Variants in RCAN2 observed in about 807,000 individuals in gnomAD.
RCAN2 encodes the protein calcipressin-2.
RCAN2 carries 9 observed loss-of-function variants against 23.6 expected under a neutral mutation model. That is an observed-to-expected ratio of 0.38 (90% confidence interval 0.23 to 0.67). The LOEUF is 0.67. RCAN2 is among the 30% of genes least tolerant of loss of function. The pLI is 0.51. For missense variants in RCAN2, 273 were observed against 302.3 expected, an observed-to-expected ratio of 0.90 and a Z score of 0.72; for synonymous variants, 109 against 115.7, an observed-to-expected ratio of 0.94 and a Z score of 0.37.
chr6:46,440,839 T>C (rs1336534456), intron 2 of RCAN2, among the ~76,000 whole-genome samples: 2 of 152,148 alleles, frequency 1.3e-5, no homozygotes, highest in African/African-American at 4.8e-5. Flanking sequence ...GTGAACCTTA[T>C]ATGGGAAACA....
intron 2 of RCAN2, among the ~76,000 whole-genome samples, chr6:46,309,108 G>A (rs946669142): frequency 6.6e-6 from 1 of 152,166 alleles, no homozygotes; most frequent in Non-Finnish European, 1.5e-5. Flanking sequence ...CTGTTCAGGA[G>A]AAGTTTGCAG....
intron 2 of RCAN2, among the ~76,000 whole-genome samples, chr6:46,313,052 C>A (rs2150357557): frequency 6.6e-6 from 1 of 152,306 alleles, no homozygotes; most frequent in Middle Eastern, 3.4e-3. Flanking sequence ...ATCCAGGACT[C>A]TAATTCTTAG....
chr6:46,409,641 A>G (rs1766495126), intron 2 of RCAN2, among the ~76,000 whole-genome samples: 1 of 152,246 alleles, frequency 6.6e-6, no homozygotes, highest in Non-Finnish European at 1.5e-5. Flanking sequence ...TATGTACATT[A>G]TGAGCAGAGA....
chr6:46,278,838 G>A (rs896355930), intron 2 of RCAN2, among the ~76,000 whole-genome samples: 2 of 152,150 alleles, frequency 1.3e-5, no homozygotes, highest in African/African-American at 4.8e-5. Context: ...AAAATTCCAT[G>A]TACTGGATGC....
intron 2 of RCAN2, among the ~76,000 whole-genome samples, chr6:46,414,683 G>T (rs548671996): frequency 1.3e-5 from 2 of 152,304 alleles, no homozygotes; most frequent in Non-Finnish European, 2.9e-5. Context: ...CCAGCAGGCT[G>T]CCTCTGGACT....
At chr6:46,461,458 A>C (rs1489532573) in intron 1 of RCAN2, among the ~76,000 whole-genome samples, 2 of 152,236 alleles carry the variant, frequency 1.3e-5, no homozygotes, top group African/African-American at 4.8e-5. Flanking sequence ...GGAGAATTTC[A>C]AAACTTCTTT....
At chr6:46,479,148 C>T (rs1337027259) in intron 1 of RCAN2, among the ~76,000 whole-genome samples, 1 of 152,122 alleles carries the variant, frequency 6.6e-6, no homozygotes, top group Non-Finnish European at 1.5e-5. Flanking sequence ...CAGGCCAGAC[C>T]CCTGATGGGT....
intron 2 of RCAN2, among the ~76,000 whole-genome samples, chr6:46,387,916 T>G (rs1349117988): frequency 6.6e-6 from 1 of 152,262 alleles, no homozygotes; most frequent in Non-Finnish European, 1.5e-5. Context: ...TGGAATACTA[T>G]GCAGCCATAA....
At chr6:46,255,460 G>T (rs1236763429) in intron 2 of RCAN2, among the ~76,000 whole-genome samples, 2 of 152,164 alleles carry the variant, frequency 1.3e-5, no homozygotes, top group African/African-American at 4.8e-5. Flanking sequence ...TTGTAGGAAT[G>T]ACATAGTGGG....
chr6:46,354,413 C>T (rs1329238874), intron 2 of RCAN2, among the ~76,000 whole-genome samples: 3 of 152,154 alleles, frequency 2.0e-5, no homozygotes, highest in African/African-American at 7.2e-5. Context: ...CTATTTAACA[C>T]AATTATTCCC....
intron 2 of RCAN2, among the ~76,000 whole-genome samples, chr6:46,294,897 A>T (rs1266931016): frequency 6.6e-6 from 1 of 152,202 alleles, no homozygotes; most frequent in Non-Finnish European, 1.5e-5. Flanking sequence ...TTAAAAGGAA[A>T]TATTAATTTA....
intron 2 of RCAN2, among the ~76,000 whole-genome samples, chr6:46,301,082 T>G: frequency 6.6e-6 from 1 of 152,040 alleles, no homozygotes; most frequent in Non-Finnish European, 1.5e-5. Flanking sequence ...CCATATTTCT[T>G]TCTTGTAGGA....
At chr6:46,228,287 A>G (rs1765748520) in intron 4 of RCAN2, among the ~76,000 whole-genome samples, 1 of 152,196 alleles carries the variant, frequency 6.6e-6, no homozygotes, top group Non-Finnish European at 1.5e-5. Flanking sequence ...GATGTCTATT[A>G]GGTCTGCTTG....
rs925439264 is a variant in RCAN2 at position 46,280,818 on chromosome 6, G to A, written c.226-31922C>T. Among the ~76,000 whole-genome samples the A allele has an allele frequency of 9.9e-4, 151 of 152,140 alleles. 1 individual carries two copies. The highest frequency in any genetic ancestry group is 3.5e-3 in the African/African-American group (146 of 41,432). ...AAGGAGTCTTAGTAGAGTGGTTAGT[G>A]AGATGTCTCAGGGAGGTATGTGGAC... On this transcript the variant is annotated intron_variant, in intron 2 of 4. Coordinates refer to ENST00000371374, the MANE Select transcript of RCAN2 (RefSeq NM_001251974.2).
intron 2 of RCAN2, among the ~76,000 whole-genome samples, chr6:46,394,322 G>A (rs745599704): frequency 2.0e-5 from 3 of 152,130 alleles, no homozygotes; most frequent in Non-Finnish European, 4.4e-5. Flanking sequence ...AGAGTCCTAT[G>A]ATTTGGCATT....
chr6:46,245,033 G>GT (rs1766465830), intron 4 of RCAN2, among the ~76,000 whole-genome samples: 1 of 152,228 alleles, frequency 6.6e-6, no homozygotes, highest in South Asian at 2.1e-4. Flanking sequence ...ACTGTGCAGT[G>GT]TTTAAGCATA....
At chr6:46,402,679 C>T (rs989360054) in intron 2 of RCAN2, among the ~76,000 whole-genome samples, 2 of 152,092 alleles carry the variant, frequency 1.3e-5, no homozygotes, top group African/African-American at 4.8e-5. Flanking sequence ...ACAGACAAGC[C>T]CTGCTGGGTT....
At position 46,222,101 on chromosome 6, in the gene RCAN2, A is replaced by T. The variant is rs1017297299; in HGVS notation, c.*1040T>A. On this transcript the variant is annotated 3_prime_UTR_variant, in exon 5 of 5. Coordinates refer to ENST00000371374, the MANE Select transcript of RCAN2 (RefSeq NM_001251974.2). ...GGTCTTGATAGCAAAGATGTTGGCT[A>T]ATCATGTATATATTGGCATTAGATG... is the stretch of plus-strand genomic sequence containing the variant. The T allele has an allele frequency of 1.3e-5, 5 of 397,368 alleles. No homozygotes were observed. The highest frequency in any genetic ancestry group is 2.2e-5 in the Non-Finnish European group (5 of 225,322). 24.6% of individuals were successfully genotyped at this position (397,368 alleles called of 1,614,324 possible).
intron 2 of RCAN2, among the ~76,000 whole-genome samples, chr6:46,380,050 A>C (rs552579467): frequency 6.6e-6 from 1 of 152,340 alleles, no homozygotes; most frequent in East Asian, 1.9e-4. Context: ...TTGCAGCATC[A>C]AAAGCAAAAA....
Sources: gnomAD v4.1 joint callset for allele counts (sites outside exome capture counted in the v4.1 genomes callset) on GRCh38, gnomAD v4.1.1 for gene constraint, MANE v1.5 for transcripts, NCBI Gene and HGNC (gene_info 2026-07-23, HGNC 2026-07-21) for gene names.